LRRFIP1: variants seen among roughly 807,000 people sequenced by gnomAD.
The protein encoded by LRRFIP1 is LRR binding FLII interacting protein 1.
In LRRFIP1, 62 loss-of-function variants were observed where a neutral mutation model predicts 104.4. That is an observed-to-expected ratio of 0.59 (90% CI 0.48 to 0.73). LRRFIP1 has a LOEUF of 0.73. LRRFIP1 is among the 30% of genes least tolerant of loss of function. The pLI is 0.00. For missense variants in LRRFIP1, 796 were observed against 824.5 expected (o/e 0.97, Z 0.42); for synonymous variants, 300 against 299.0 (o/e 1.00, Z -0.03).
intron 1 of LRRFIP1, among the ~76,000 whole-genome samples, chr2:237,642,029 A>C: frequency 6.6e-6 from 1 of 152,068 alleles, no homozygotes; most frequent in East Asian, 1.9e-4. Context: ...GTACCCAGGG[A>C]GAGTGTGGTG....
chr2:237,711,765 G>A lies in LRRFIP1; in HGVS notation c.184-2494G>A, dbSNP rs992716554. The stretch of plus-strand genomic sequence containing the variant: ...GAACGTGGCCAAGATGGTGAGTGAG[G>A]ACACCGAGTGAAGCAGCTCTACCGG... On this transcript the variant is annotated intron_variant, in intron 2 of 23. Coordinates refer to ENST00000308482, the MANE Select transcript of LRRFIP1 (RefSeq NM_001137550.2). This position sits in a 1 kb window ranked among gnomAD's most constrained non-coding sequence, Gnocchi z 4.4. Among the ~76,000 whole-genome samples, 9 of 152,130 alleles carry A rather than the reference G, an allele frequency of 5.9e-5. No homozygotes were observed. Among genetic ancestry groups the A allele is most frequent in the Non-Finnish European group, 1.0e-4 (7 of 68,016 alleles).
intron 19 of LRRFIP1, chr2:237,765,962 CT>C (rs769201317): frequency 1.2e-4 from 121 of 969,096 alleles, no homozygotes; most frequent in Admixed American, 3.7e-4. Context: ...AGTCTGACTA[CT>C]GTTGTATGTA....
intron 15 of LRRFIP1, among the ~76,000 whole-genome samples, chr2:237,754,182 C>T (rs1413151684): frequency 1.3e-5 from 2 of 152,156 alleles, no homozygotes; most frequent in Non-Finnish European, 2.9e-5. Flanking sequence ...TTATTTTGTT[C>T]TCTCTCAACA....
chr2:237,741,014 T>TC (rs1490009835), intron 11 of LRRFIP1, among the ~76,000 whole-genome samples: 1 of 152,224 alleles, frequency 6.6e-6, no homozygotes, highest in Non-Finnish European at 1.5e-5. Context: ...AGACACCCAC[T>TC]CTTGTCACAC....
chr2:237,680,942 C>T (rs1307103443), intron 1 of LRRFIP1, among the ~76,000 whole-genome samples: 1 of 152,180 alleles, frequency 6.6e-6, no homozygotes, highest in Non-Finnish European at 1.5e-5. Flanking sequence ...GATCACGCCA[C>T]TGCACTCCAG....
At chr2:237,639,562 C>T (rs562766939) in intron 1 of LRRFIP1, among the ~76,000 whole-genome samples, 11 of 152,312 alleles carry the variant, frequency 7.2e-5, no homozygotes, top group Admixed American at 5.2e-4. Context: ...GGCCACTTCA[C>T]CCCAGCCTTG....
At chr2:237,775,447 A>AT (rs1465556817) in intron 23 of LRRFIP1, among the ~76,000 whole-genome samples, 2 of 152,214 alleles carry the variant, frequency 1.3e-5, no homozygotes, top group African/African-American at 4.8e-5. Flanking sequence ...CCTGGAGGCC[A>AT]TGGACAGGAC....
intron 7 of LRRFIP1, among the ~76,000 whole-genome samples, chr2:237,725,350 T>C (rs115514595): frequency 0.013 from 2,017 of 152,318 alleles, 27 homozygotes; most frequent in African/African-American, 0.044. Flanking sequence ...CACTTAAAGC[T>C]ACACAGTACA....
Position 237,644,176 on chromosome 2 carries a change from G to A in LRRFIP1, c.96+16436G>A, listed in dbSNP as rs538334739. Among the ~76,000 whole-genome samples, 70 of 152,328 alleles carry A rather than the reference G, an allele frequency of 4.6e-4. No homozygotes were observed. The South Asian group carries it at 0.012, about 25-fold the overall frequency. The stretch of plus-strand genomic sequence containing the variant: ...TGATGGGGCTTTGGCCTCATTGGGC[G>A]TTGTGTGCACGATCGGGTTGCATTG... On this transcript the variant is annotated intron_variant, in intron 1 of 23. Coordinates refer to ENST00000308482, the MANE Select transcript of LRRFIP1 (RefSeq NM_001137550.2).
intron 1 of LRRFIP1, among the ~76,000 whole-genome samples, chr2:237,650,426 A>G (rs2085737353): frequency 6.6e-6 from 1 of 151,934 alleles, no homozygotes; most frequent in South Asian, 2.1e-4. Flanking sequence ...TGGCTATTGG[A>G]CAGCTCAGAC....
Position 237,717,392 on chromosome 2 carries a change from C to G in LRRFIP1, c.202-370C>G, listed in dbSNP as rs1007367952. ...TGCTTCTCTTCGATGGTGTTTTATTCCTTCATCGCGTTTGCTTTGAAGGCA... is the reference window on the plus strand; with the variant it reads ...TGCTTCTCTTCGATGGTGTTTTATTGCTTCATCGCGTTTGCTTTGAAGGCA... On this transcript the variant is annotated intron_variant, in intron 3 of 23. Coordinates refer to ENST00000308482, the MANE Select transcript of LRRFIP1 (RefSeq NM_001137550.2). This position sits in a 1 kb window ranked among gnomAD's most constrained non-coding sequence, Gnocchi z 4.2. 6.6e-6 allele frequency among the ~76,000 whole-genome samples: 1 copy of G among 152,224 alleles called. No homozygotes were observed. Among genetic ancestry groups the G allele is most frequent in the African/African-American group, 2.4e-5 (1 of 41,464 alleles).
At chr2:237,739,144 T>C in intron 10 of LRRFIP1, 88 bp from the exon 11 acceptor site, 1 of 1,212,036 alleles carries the variant, frequency 8.3e-7, no homozygotes. Context: ...TGCAGCATGT[T>C]TTCTGTCGGC....
chr2:237,742,147 A>G (rs1270998665), intron 11 of LRRFIP1, among the ~76,000 whole-genome samples: 2 of 152,244 alleles, frequency 1.3e-5, no homozygotes, highest in Non-Finnish European at 2.9e-5. Flanking sequence ...CTAAATTTGT[A>G]TAAAATTTAC....
chr2:237,761,231 T>TA (rs901305129), intron 19 of LRRFIP1, among the ~76,000 whole-genome samples: 4 of 152,154 alleles, frequency 2.6e-5, no homozygotes, highest in South Asian at 2.1e-4. Flanking sequence ...TTCAATTGTG[T>TA]AAAAAAAGTT....
chr2:237,659,096 T>TATA (rs2087367071), intron 1 of LRRFIP1, among the ~76,000 whole-genome samples: 1 of 141,934 alleles, frequency 7.0e-6, no homozygotes, highest in Non-Finnish European at 1.6e-5. Flanking sequence ...TTATTATTAT[T>TATA]ATATCTTTTT....
chr2:237,745,330 T>C (rs1229473174), intron 11 of LRRFIP1, among the ~76,000 whole-genome samples: 1 of 152,256 alleles, frequency 6.6e-6, no homozygotes, highest in Non-Finnish European at 1.5e-5. Flanking sequence ...AAAATAGAGA[T>C]AGGTTAGACG....
At chr2:237,704,643 C>T (rs574968319) in intron 1 of LRRFIP1, among the ~76,000 whole-genome samples, 7 of 152,088 alleles carry the variant, frequency 4.6e-5, no homozygotes, top group East Asian at 1.9e-4. Context: ...TTGCCACTTC[C>T]GGTATTGCCA....
At chr2:237,768,546 A>T (rs2060380685) in intron 19 of LRRFIP1, 1 of 152,212 alleles carries the variant, frequency 6.6e-6, no homozygotes. Flanking sequence ...AATCAGGTTC[A>T]TAACTGCAAA....
chr2:237,638,489 C>T (rs761021818), intron 1 of LRRFIP1, among the ~76,000 whole-genome samples: 1 of 152,208 alleles, frequency 6.6e-6, no homozygotes, highest in Non-Finnish European at 1.5e-5. Flanking sequence ...TGGTACCAGT[C>T]TGTGCCCCAG....
Sources: allele counts gnomAD v4.1 joint callset (sites outside exome capture counted in the v4.1 genomes callset), GRCh38; gene constraint gnomAD v4.1.1; non-coding constraint Gnocchi (gnomAD v3.1); transcripts MANE v1.5; gene names NCBI Gene and HGNC (gene_info 2026-07-23, HGNC 2026-07-21).